RBFOX1: variants seen among roughly 807,000 people sequenced by gnomAD.
RBFOX1 encodes RNA binding protein fox-1 homolog 1.
In RBFOX1, 8 loss-of-function variants were observed where a neutral mutation model predicts 57.7. That is an observed-to-expected ratio of 0.14 (90% CI 0.08 to 0.25). The LOEUF (loss-of-function observed/expected upper bound fraction) is 0.25. RBFOX1 is among the 10% of genes least tolerant of loss of function. RBFOX1 has a pLI of 1.00. For synonymous variants in RBFOX1, 326 were observed against 222.4 expected, an observed-to-expected ratio of 1.47 and a Z score of -4.15; for missense variants, 611 against 548.5, an observed-to-expected ratio of 1.11 and a Z score of -1.14.
chr16:6,867,578 G>A (rs2060159273), intron 3 of RBFOX1, among the ~76,000 whole-genome samples: 1 of 152,066 alleles, frequency 6.6e-6, no homozygotes, highest in Non-Finnish European at 1.5e-5. Flanking sequence ...AATTAGCCAG[G>A]CGTGGTGGTA....
At chr16:7,389,425 C>G (rs961577702) in intron 4 of RBFOX1, among the ~76,000 whole-genome samples, 2 of 152,186 alleles carry the variant, frequency 1.3e-5, no homozygotes, top group Non-Finnish European at 2.9e-5. Flanking sequence ...AGTGCCCAGC[C>G]AGATGTAACT....
intron 2 of RBFOX1, among the ~76,000 whole-genome samples, chr16:5,500,076 G>A (rs2043133516): frequency 6.6e-6 from 1 of 150,788 alleles, no homozygotes. Context: ...TCATCAGCCT[G>A]CCTTCCTGCC....
intron 3 of RBFOX1, among the ~76,000 whole-genome samples, chr16:5,710,718 G>A (rs2051453697): frequency 6.6e-6 from 1 of 152,122 alleles, no homozygotes; most frequent in Admixed American, 6.5e-5. Flanking sequence ...TCACTTTGTG[G>A]TCCGGAACAT....
intron 3 of RBFOX1, among the ~76,000 whole-genome samples, chr16:6,926,108 C>T (rs933807571): frequency 2.0e-5 from 3 of 151,866 alleles, no homozygotes; most frequent in African/African-American, 4.8e-5. Flanking sequence ...GAGTTCAAGA[C>T]CAGCCTGGCC....
At chr16:6,431,909 CTTTCTT>C (rs1467798907) in intron 2 of RBFOX1, among the ~76,000 whole-genome samples, 7 of 115,144 alleles carry the variant, frequency 6.1e-5, no homozygotes, top group African/African-American at 2.1e-4. Context: ...TTCTTTCTTT[CTTTCTT>C]TCTTTCTTTC....
chr16:7,269,208 G>A (rs954339837), intron 4 of RBFOX1, among the ~76,000 whole-genome samples: 2 of 152,060 alleles, frequency 1.3e-5, no homozygotes, highest in Non-Finnish European at 2.9e-5. Flanking sequence ...TTGGTGACTT[G>A]TTCCACATTT....
In RBFOX1 at chr16:7,048,308, A is replaced by G. The variant is rs746728508; in HGVS notation, c.-15-3749A>G. Among the ~76,000 whole-genome samples the G allele has an allele frequency of 6.2e-4, 94 of 151,762 alleles. 3 individuals carry two copies. Among genetic ancestry groups the G allele is most frequent in the Non-Finnish European group, 2.6e-4 (18 of 67,952 alleles). ...GGAGTCTTGCTCTGTCTCCCAGGCT[A>G]GAGTGCAGTGGCACAATCTTGGCTC... On this transcript the variant is annotated intron_variant, in intron 3 of 15. Coordinates refer to ENST00000550418, the MANE Select transcript of RBFOX1 (RefSeq NM_018723.4).
intron 2 of RBFOX1, among the ~76,000 whole-genome samples, chr16:6,642,541 C>T (rs375083536): frequency 5.1e-4 from 77 of 152,046 alleles, no homozygotes; most frequent in African/African-American, 1.8e-3. Context: ...CTCTGCTTGT[C>T]TGCATGGCTA....
At chr16:7,070,972 G>C (rs79629258) in intron 4 of RBFOX1, among the ~76,000 whole-genome samples, 2,931 of 152,222 alleles carry the variant, frequency 0.019, 99 homozygotes, top group African/African-American at 0.066. Flanking sequence ...AAGCAATTTT[G>C]CCCAGAGTGG....
chr16:6,018,958 C>A, upstream of RBFOX1: 1 of 416,810 alleles, frequency 2.4e-6, no homozygotes, highest in Non-Finnish European at 3.2e-6. Flanking sequence ...TCCAGGGCTG[C>A]ACGCGTGACC....
At chr16:5,267,258 A>G (rs1345343403) in intron 1 of RBFOX1, among the ~76,000 whole-genome samples, 1 of 151,856 alleles carries the variant, frequency 6.6e-6, no homozygotes, top group East Asian at 1.9e-4. Flanking sequence ...CATATTGTCC[A>G]TATAAACATT....
intron 1 of RBFOX1, among the ~76,000 whole-genome samples, chr16:5,457,985 C>G (rs957885452): frequency 7.2e-5 from 11 of 152,210 alleles, no homozygotes; most frequent in Non-Finnish European, 1.6e-4. Context: ...TTACAAGAAC[C>G]AACTTGAATA....
chr16:5,968,089 C>A (rs2059885832), intron 4 of RBFOX1, among the ~76,000 whole-genome samples: 1 of 152,090 alleles, frequency 6.6e-6, no homozygotes, highest in Admixed American at 6.5e-5. Flanking sequence ...TATTTTATTT[C>A]ATTGAGATAG....
At chr16:6,120,359 T>A (rs930879905) in intron 1 of RBFOX1, among the ~76,000 whole-genome samples, 5 of 152,200 alleles carry the variant, frequency 3.3e-5, no homozygotes, top group African/African-American at 1.2e-4. Context: ...GCAAGCTGTT[T>A]CCCACAGCAG....
intron 10 of RBFOX1, among the ~76,000 whole-genome samples, chr16:7,623,094 A>G (rs2059557273): frequency 1.3e-5 from 2 of 152,192 alleles, no homozygotes; most frequent in Admixed American, 6.5e-5. Context: ...TTTGAGGCTT[A>G]TGGGTCACTT....
chr16:6,661,425 C>G (rs550559811), intron 3 of RBFOX1, among the ~76,000 whole-genome samples: 25 of 152,286 alleles, frequency 1.6e-4, no homozygotes, highest in African/African-American at 5.1e-4. Flanking sequence ...AAAGGAGAGA[C>G]TACAGCAGTG....
intron 1 of RBFOX1, among the ~76,000 whole-genome samples, chr16:6,173,895 GTTTGT>G (rs2096982347): frequency 2.0e-5 from 3 of 150,834 alleles, no homozygotes; most frequent in African/African-American, 7.4e-5. Flanking sequence ...TTGTTTGTTT[GTTTGT>G]TTTTTTTACT....
intron 1 of RBFOX1, among the ~76,000 whole-genome samples, chr16:5,313,069 C>T (rs369867019): frequency 7.9e-5 from 12 of 152,076 alleles, no homozygotes; most frequent in Admixed American, 2.6e-4. Context: ...CTGTCCTGGG[C>T]GCTTTCTGTG....
At position 7,029,034 on chromosome 16, in the gene RBFOX1, G is replaced by GA. The variant is rs1213462573; in HGVS notation, c.-15-23013dup. 7.5e-4 allele frequency among the ~76,000 whole-genome samples: 38 copies of GA among 50,990 alleles called. 1 individual carries two copies. Among genetic ancestry groups the GA allele is most frequent in the Admixed American group, 1.2e-3 (6 of 4,892 alleles). The allele number at this position is 50,990 out of a possible 152,430, so 33.5% of individuals were successfully genotyped here. A position where few individuals can be genotyped will look rare whatever the true frequency, so the allele number is the denominator to read the frequency against. ...TTCTAGTAATGCTAAGCATAAAACA[G>GA]AAAAAAAAAAGCTATATATATATAT... On this transcript the variant is annotated intron_variant, in intron 3 of 15. Transcript: ENST00000550418.
Sources: allele counts gnomAD v4.1 joint callset (sites outside exome capture counted in the v4.1 genomes callset), GRCh38; gene constraint gnomAD v4.1.1; transcripts MANE v1.5; gene names NCBI Gene and HGNC (gene_info 2026-07-23, HGNC 2026-07-21).